Variants in SPDL1 observed in about 807,000 individuals in gnomAD.
SPDL1 encodes the protein spindle apparatus coiled-coil protein 1.
SPDL1 carries 85 observed loss-of-function variants against 79.5 expected under a neutral mutation model. The observed-to-expected ratio is 1.07, with a 90% confidence interval of 0.90 to 1.28. The LOEUF (loss-of-function observed/expected upper bound fraction) is 1.28. Ranked by LOEUF, SPDL1 falls within the 50% of genes most tolerant of loss-of-function variation. The pLI, the probability that SPDL1 is intolerant of heterozygous loss-of-function variation, is 0.00. For missense variants in SPDL1, 703 were observed against 697.8 expected (o/e 1.01, Z -0.08); for synonymous variants, 269 against 240.3 (o/e 1.12, Z -1.10).
chr5:169,587,729 GTAT>G (rs1224384085), intron 1 of SPDL1, among the ~76,000 whole-genome samples: 1 of 152,006 alleles, frequency 6.6e-6, no homozygotes, highest in African/African-American at 2.4e-5. Flanking sequence ...TTTTCTGGTG[GTAT>G]TATTGTTATT....
At chr5:169,601,726 A>AT (rs1755938725) in intron 11 of SPDL1, 101 bp downstream of exon 11, 1 of 1,077,586 alleles carries the variant, frequency 9.3e-7, no homozygotes, top group Admixed American at 2.0e-5. Context: ...CTTTCTTACA[A>AT]TTGCATGCAG....
intron 10 of SPDL1, 118 bp downstream of exon 10, chr5:169,599,277 C>T (rs1755762128): frequency 1.2e-6 from 1 of 866,754 alleles, no homozygotes; most frequent in Non-Finnish European, 1.6e-6. Context: ...TAGTTATATA[C>T]CTATAGTTAA....
chr5:169,591,104 G>T lies in SPDL1; in HGVS notation c.216G>T (p.Met72Ile). Residue 72 changes from methionine to isoleucine, a missense_variant, in exon 3 of 12, where the codon ATG becomes ATT. Physicochemically the swap from Met to Ile is conservative, Grantham distance 10. Coordinates refer to ENST00000265295, the MANE Select transcript of SPDL1 (RefSeq NM_017785.5). The stretch of plus-strand genomic sequence containing the variant: ...GAGAAGTTGAACTCAAGAGTCGAAT[G>T]TTAGAAAGTTTGAGCTGCGAATGTG... ...LQREVELKSRMLESLSCECEA... is the reference protein window; with the variant it reads ...LQREVELKSRILESLSCECEA... 1 of 1,613,998 alleles carries T rather than the reference G, an allele frequency of 6.2e-7. No homozygotes were observed. Among genetic ancestry groups the T allele is most frequent in the Non-Finnish European group, 8.5e-7 (1 of 1,179,934 alleles).
intron 3 of SPDL1, among the ~76,000 whole-genome samples, chr5:169,592,255 C>T (rs1282392188): frequency 8.5e-6 from 1 of 117,312 alleles, no homozygotes; most frequent in Non-Finnish European, 1.6e-5. Flanking sequence ...CTCACACTGT[C>T]GCCCAGGCTG....
chr5:169,591,899 T>TA (rs888140878), intron 3 of SPDL1, among the ~76,000 whole-genome samples: 13 of 152,310 alleles, frequency 8.5e-5, no homozygotes, highest in African/African-American at 3.1e-4. Flanking sequence ...GCAAGATAAA[T>TA]GATTGGTCAG....
intron 1 of SPDL1, chr5:169,587,112 T>TA (rs1755025992): frequency 6.6e-6 from 1 of 152,228 alleles, no homozygotes; most frequent in Non-Finnish European, 1.5e-5. Flanking sequence ...CCCAGATTCT[T>TA]ATTCTGTTCT....
chr5:169,602,069 C>T (rs1413481946), intron 11 of SPDL1: 2 of 197,954 alleles, frequency 1.0e-5, no homozygotes, highest in Non-Finnish European at 2.1e-5. Flanking sequence ...TTATCCTAGG[C>T]ATTCAAAAAT....
intron 7 of SPDL1, chr5:169,595,968 T>G (rs1755559379): frequency 6.6e-6 from 1 of 152,166 alleles, no homozygotes; most frequent in Admixed American, 6.6e-5. Context: ...AGATTTAGAG[T>G]CTACTTAATT....
At position 169,585,319 on chromosome 5, in the gene SPDL1, A is replaced by G. The variant is rs73314508; in HGVS notation, c.-24+1430A>G. On this transcript the variant is annotated intron_variant, in intron 1 of 11. Transcript: ENST00000265295. ...TCAATTACTTGATTTAATGTCTTTT[A>G]CTAATAGACTAGGATTCAAGAAGAC... 5.3e-4 allele frequency among the ~76,000 whole-genome samples: 80 copies of G among 152,264 alleles called. No homozygotes were observed. The South Asian group carries it at 8.3e-3, about 16-fold the overall frequency.
chr5:169,592,070 G>A (rs915774665), intron 3 of SPDL1, among the ~76,000 whole-genome samples: 4 of 152,040 alleles, frequency 2.6e-5, no homozygotes, highest in African/African-American at 9.7e-5. Flanking sequence ...TCAGAAGTCT[G>A]TTACCCAATT....
chr5:169,588,988 T>C (rs544151703), intron 2 of SPDL1: 1 of 152,818 alleles, frequency 6.5e-6, no homozygotes, highest in East Asian at 1.9e-4. Context: ...AAGAGTGGAT[T>C]CCCTGTCCGT....
intron 10 of SPDL1, among the ~76,000 whole-genome samples, chr5:169,599,414 G>C (rs950022532): frequency 6.6e-6 from 1 of 152,178 alleles, no homozygotes; most frequent in Non-Finnish European, 1.5e-5. Flanking sequence ...AGAAACTTGA[G>C]ATTTGAGACT....
At chr5:169,598,133 C>T (rs938355713) in intron 8 of SPDL1, among the ~76,000 whole-genome samples, 2 of 152,110 alleles carry the variant, frequency 1.3e-5, no homozygotes, top group Non-Finnish European at 2.9e-5. Flanking sequence ...TTACAAAGGC[C>T]AGAATTTAAT....
In SPDL1 at chr5:169,592,843, A is replaced by G. The variant is rs115641812; in HGVS notation, c.337-511A>G. Among the ~76,000 whole-genome samples the G allele has an allele frequency of 6.2e-3, 900 of 145,240 alleles. 6 individuals carry two copies. Among genetic ancestry groups the G allele is most frequent in the Non-Finnish European group, 0.011 (714 of 66,826 alleles). ...TTTTTTTTTTGGTGGAGCAAAGAGT[A>G]CATTAGTGAAATATTTTGTTTTACT... On this transcript the variant is annotated intron_variant, in intron 3 of 11. Coordinates refer to ENST00000265295, the MANE Select transcript of SPDL1 (RefSeq NM_017785.5).
At chr5:169,585,034 T>C (rs1020134484) in intron 1 of SPDL1, among the ~76,000 whole-genome samples, 24 of 140,838 alleles carry the variant, frequency 1.7e-4, no homozygotes, top group African/African-American at 6.0e-4. Context: ...AAAAAAAGAA[T>C]GTGTATAAAG....
At chr5:169,603,645 A>G (rs1756043343) in intron 11 of SPDL1, among the ~76,000 whole-genome samples, 1 of 152,094 alleles carries the variant, frequency 6.6e-6, no homozygotes, top group South Asian at 2.1e-4. Flanking sequence ...CACGAGGTCA[A>G]GAGATCAAGA....
intron 3 of SPDL1, among the ~76,000 whole-genome samples, chr5:169,592,065 A>G (rs1399052682): frequency 2.0e-5 from 3 of 152,132 alleles, no homozygotes; most frequent in Non-Finnish European, 4.4e-5. Flanking sequence ...CTTTCTCAGA[A>G]GTCTGTTACC....
chr5:169,590,366 A>G (rs936178117), intron 2 of SPDL1, among the ~76,000 whole-genome samples: 5 of 152,226 alleles, frequency 3.3e-5, no homozygotes, highest in Non-Finnish European at 5.9e-5. Context: ...TTGAGTCATA[A>G]CTTGTCAAAT....
chr5:169,594,824 A>G (rs1755508683), intron 7 of SPDL1, 143 bp downstream of exon 7: 4 of 540,320 alleles, frequency 7.4e-6, no homozygotes, highest in East Asian at 3.0e-5. Context: ...CAAAAAATCA[A>G]TTTTGAAATT....
Sources: allele counts gnomAD v4.1 joint callset (sites outside exome capture counted in the v4.1 genomes callset), GRCh38; gene constraint gnomAD v4.1.1; transcripts MANE v1.5; gene names NCBI Gene and HGNC (gene_info 2026-07-23, HGNC 2026-07-21).